KLHL2: variants seen among roughly 807,000 people sequenced by gnomAD.
KLHL2 encodes kelch-like protein 2.
A neutral mutation model predicts 75.8 loss-of-function variants in KLHL2; 15 were observed. That is an observed-to-expected ratio of 0.20 (90% CI 0.13 to 0.30). The LOEUF is 0.30. KLHL2 is among the 10% of genes least tolerant of loss of function. KLHL2 has a pLI of 1.00. For synonymous variants in KLHL2, 214 were observed against 251.9 expected (o/e 0.85, Z 1.42); for missense variants, 381 against 741.0 (o/e 0.51, Z 5.64).
chr4:165,241,798 A>G (rs1273362080), intron 4 of KLHL2, among the ~76,000 whole-genome samples: 1 of 152,118 alleles, frequency 6.6e-6, no homozygotes, highest in Non-Finnish European at 1.5e-5. Context: ...TGGTCTCCTT[A>G]TTACACTAAT....
intron 4 of KLHL2, among the ~76,000 whole-genome samples, chr4:165,244,931 C>T (rs1740132330): frequency 6.6e-6 from 1 of 152,126 alleles, no homozygotes. Context: ...AGGCTGGGCA[C>T]AGTGGCTCAT....
chr4:165,255,500 G>T (rs1320151396), intron 4 of KLHL2, among the ~76,000 whole-genome samples: 1 of 152,094 alleles, frequency 6.6e-6, no homozygotes, highest in Non-Finnish European at 1.5e-5. Flanking sequence ...AGGAAAGGAG[G>T]AGGAAGAAAG....
intron 5 of KLHL2, among the ~76,000 whole-genome samples, chr4:165,280,555 G>A (rs1160895027): frequency 2.0e-5 from 3 of 152,204 alleles, no homozygotes; most frequent in African/African-American, 7.2e-5. Context: ...AAGAATAGAT[G>A]CTGATTATTC....
rs1746807778 is a variant in KLHL2, at chr4:165,319,384, G to C, written c.1753+1415G>C. On this transcript the variant is annotated intron_variant, in intron 14 of 14. Coordinates refer to ENST00000226725, the MANE Select transcript of KLHL2 (RefSeq NM_007246.4). This position sits in a 1 kb window ranked among gnomAD's most constrained non-coding sequence, Gnocchi z 4.5. ...CTAGGAAGTGCTTCAACGAAGCAGA[G>C]AAGAGTCATGACATTACAAGAAAAA... Among the ~76,000 whole-genome samples the C allele has an allele frequency of 1.3e-5, 2 of 152,170 alleles. No homozygotes were observed. Among genetic ancestry groups the C allele is most frequent in the African/African-American group, 4.8e-5 (2 of 41,444 alleles).
chr4:165,249,665 T>C (rs529730418), intron 4 of KLHL2, among the ~76,000 whole-genome samples: 37 of 152,330 alleles, frequency 2.4e-4, no homozygotes, highest in Non-Finnish European at 4.7e-4. Context: ...GTAGTTGTCT[T>C]TTTCTGTCCC....
At chr4:165,266,695 C>A (rs995770972) in intron 5 of KLHL2, among the ~76,000 whole-genome samples, 8 of 152,156 alleles carry the variant, frequency 5.3e-5, no homozygotes, top group African/African-American at 1.7e-4. Flanking sequence ...GTTTTGGTAC[C>A]AGTACCATGC....
At chr4:165,264,307 G>A (rs1419162151) in intron 5 of KLHL2, among the ~76,000 whole-genome samples, 1 of 150,836 alleles carries the variant, frequency 6.6e-6, no homozygotes, top group Admixed American at 6.6e-5. Context: ...GGATTTTAAT[G>A]TACCCGTCAC....
intron 4 of KLHL2, among the ~76,000 whole-genome samples, chr4:165,240,784 C>T (rs1190399888): frequency 1.3e-5 from 2 of 152,134 alleles, no homozygotes; most frequent in Non-Finnish European, 2.9e-5. Flanking sequence ...CTTTGATTCA[C>T]ATAATGGGCC....
intron 3 of KLHL2, among the ~76,000 whole-genome samples, chr4:165,232,776 G>A (rs1739006019): frequency 6.6e-6 from 1 of 151,728 alleles, no homozygotes; most frequent in South Asian, 2.1e-4. Context: ...GAAGACACGG[G>A]GATTGGGTCT....
intron 1 of KLHL2, 143 bp from the exon 2 acceptor site, chr4:165,219,791 C>T: frequency 7.4e-7 from 1 of 1,355,620 alleles, no homozygotes; most frequent in South Asian, 1.7e-5. Context: ...CTTAACCTTA[C>T]ATTGGGATAT....
In KLHL2 at chr4:165,238,984, T is replaced by C. The variant is rs1739586664; in HGVS notation, c.381+85T>C. 6 of 1,498,102 alleles carry C rather than the reference T, an allele frequency of 4.0e-6. No homozygotes were observed. The East Asian group carries it at 1.5e-4, about 36-fold the overall frequency. 92.8% of individuals were successfully genotyped at this position (1,498,102 alleles called of 1,614,324 possible). ...AAGCACACCCACACAGTATACAATT[T>C]GCACCAAAATAATAGGATTCATTGT... On this transcript the variant is annotated intron_variant, in intron 4 of 14. Transcript: ENST00000226725.
chr4:165,299,336 G>A (rs887779603), intron 7 of KLHL2, among the ~76,000 whole-genome samples, 171 bp from the exon 8 acceptor site: 1 of 151,714 alleles, frequency 6.6e-6, no homozygotes, highest in Non-Finnish European at 1.5e-5. Flanking sequence ...AGCATTTTTT[G>A]GTTATATTTA....
intron 5 of KLHL2, among the ~76,000 whole-genome samples, chr4:165,272,541 G>A (rs116215522): frequency 0.29 from 44,326 of 152,028 alleles, 7,137 homozygotes; most frequent in Middle Eastern, 0.37. Flanking sequence ...TTCCTGGGCT[G>A]CCAGTTTTCT....
intron 13 of KLHL2, among the ~76,000 whole-genome samples, chr4:165,315,699 T>C (rs193175989): frequency 8.7e-4 from 133 of 152,316 alleles, no homozygotes; most frequent in Admixed American, 1.4e-3. Context: ...AAACTTCTGA[T>C]AAGATCTGTT....
At chr4:165,299,413 A>T in intron 7 of KLHL2, 94 bp from the exon 8 acceptor site, 1 of 1,127,676 alleles carries the variant, frequency 8.9e-7, no homozygotes, top group Non-Finnish European at 1.2e-6. Context: ...GGATATAGTT[A>T]CTGCTTTTTT....
chr4:165,213,477 T>C lies in KLHL2; in HGVS notation c.26+5575T>C, dbSNP rs1373561857. Among the ~76,000 whole-genome samples the C allele has an allele frequency of 3.3e-5, 5 of 152,364 alleles. No individual in the cohort carries two copies. The East Asian group carries it at 9.6e-4, about 29-fold the overall frequency. On this transcript the variant is annotated intron_variant, in intron 1 of 14. Coordinates refer to ENST00000226725, the MANE Select transcript of KLHL2 (RefSeq NM_007246.4). ...TATGCTTCTCTTCTTCTCTCCCCTG[T>C]TACAACAACTTGAAGTTCCTCCAAG... is the stretch of plus-strand genomic sequence containing the variant.
rs1194080743 is a variant in KLHL2 at position 165,289,509 on chromosome 4, G to GTTTTTTTTT, written c.545-4837_545-4829dup. Among the ~76,000 whole-genome samples the GTTTTTTTTT allele has an allele frequency of 4.4e-5, 5 of 112,950 alleles. 1 individual carries two copies. Among genetic ancestry groups the GTTTTTTTTT allele is most frequent in the African/African-American group, 1.1e-4 (3 of 27,852 alleles). The allele number at this position is 112,950 out of a possible 152,430, so 74.1% of individuals were successfully genotyped here. On this transcript the variant is annotated intron_variant, in intron 5 of 14. Transcript: ENST00000226725. ...TTCCTTTAGGCTAATTTTTGGTTTG[G>GTTTTTTTTT]TTTTTTTTTTTTTTTTTTTTTGGTA...
intron 1 of KLHL2, among the ~76,000 whole-genome samples, chr4:165,219,349 G>T (rs1192203969): frequency 6.6e-6 from 1 of 152,250 alleles, no homozygotes; most frequent in African/African-American, 2.4e-5. Context: ...GAGAGTTGTT[G>T]TGAGGATTAA....
chr4:165,257,938 C>T (rs1317837710), intron 4 of KLHL2, among the ~76,000 whole-genome samples: 1 of 151,772 alleles, frequency 6.6e-6, no homozygotes, highest in Non-Finnish European at 1.5e-5. Flanking sequence ...TTAGTAGTGA[C>T]TTGAAAGGGA....
Sources: gnomAD v4.1 joint callset for allele counts (sites outside exome capture counted in the v4.1 genomes callset) on GRCh38, gnomAD v4.1.1 for gene constraint, Gnocchi (gnomAD v3.1) non-coding constraint, MANE v1.5 for transcripts, NCBI Gene and HGNC (gene_info 2026-07-23, HGNC 2026-07-21) for gene names.